Variants in PTPRT observed in about 807,000 individuals in gnomAD.
The protein encoded by PTPRT is receptor-type tyrosine-protein phosphatase T.
In PTPRT, 56 loss-of-function variants were observed where a neutral mutation model predicts 176.8. The ratio of observed to expected loss-of-function variants is 0.32; its 90% CI spans 0.26 to 0.40. The LOEUF (loss-of-function observed/expected upper bound fraction) is 0.40, where lower values mean the gene tolerates loss of function less well. Ranked by LOEUF, PTPRT falls within the 10% of genes least tolerant of loss-of-function variation. PTPRT has a pLI of 1.00. For synonymous variants in PTPRT, 783 were observed against 739.0 expected, an observed-to-expected ratio of 1.06 and a Z score of -0.96; for missense variants, 1,540 against 1,908.2, an observed-to-expected ratio of 0.81 and a Z score of 3.60.
intron 17 of PTPRT, among the ~76,000 whole-genome samples, chr20:42,151,990 G>A (rs1014613479): frequency 1.3e-5 from 2 of 152,244 alleles, no homozygotes; most frequent in Admixed American, 6.5e-5. Context: ...CACGGGTTCA[G>A]TTAACACATT....
chr20:42,664,931 C>A (rs1230942286), intron 7 of PTPRT, among the ~76,000 whole-genome samples: 2 of 152,286 alleles, frequency 1.3e-5, no homozygotes, highest in Non-Finnish European at 2.9e-5. Context: ...CCTTACACGC[C>A]TTACACAAAA....
chr20:42,140,878 T>A (rs1988590916), intron 18 of PTPRT, among the ~76,000 whole-genome samples: 1 of 152,212 alleles, frequency 6.6e-6, no homozygotes, highest in Admixed American at 6.5e-5. Flanking sequence ...TGCCAGGCAC[T>A]GTAGCAAGAG....
chr20:42,822,056 T>C (rs3091504), intron 2 of PTPRT, among the ~76,000 whole-genome samples: 15,509 of 151,880 alleles, frequency 0.1, 1,053 homozygotes, highest in African/African-American at 0.17. Flanking sequence ...TTAGAAAAAA[T>C]AGTTTTAAAT....
At chr20:42,883,727 C>CAAACAG (rs1207069985) in intron 2 of PTPRT, among the ~76,000 whole-genome samples, 1 of 5,638 alleles carries the variant, frequency 1.8e-4, no homozygotes, top group African/African-American at 6.4e-4. Context: ...CACACCCATA[C>CAAACAG]ACCCCCATAC....
At chr20:43,128,761 A>C (rs1600732265) in intron 1 of PTPRT, among the ~76,000 whole-genome samples, 1 of 152,118 alleles carries the variant, frequency 6.6e-6, no homozygotes, top group African/African-American at 2.4e-5. Context: ...AAAAAATCAG[A>C]CAGCAGGCTA....
At chr20:42,756,662 A>T in intron 5 of PTPRT, 26 bp from the exon 6 acceptor site, 1 of 1,530,336 alleles carries the variant, frequency 6.5e-7, no homozygotes, top group Non-Finnish European at 8.9e-7. Flanking sequence ...AGAGAGGGAG[A>T]GGAGGAATCA....
intron 11 of PTPRT, 70 bp downstream of exon 11, chr20:42,350,558 T>C (rs1290004890): frequency 2.4e-6 from 3 of 1,269,060 alleles, no homozygotes; most frequent in South Asian, 2.4e-5. Flanking sequence ...GCCAGTCACA[T>C]GATTCAACTG....
chr20:43,091,130 G>A (rs745310945), intron 1 of PTPRT, among the ~76,000 whole-genome samples: 1 of 152,148 alleles, frequency 6.6e-6, no homozygotes, highest in Non-Finnish European at 1.5e-5. Flanking sequence ...CTACTGGGGA[G>A]GCTGAGACAG....
intron 7 of PTPRT, among the ~76,000 whole-genome samples, chr20:42,675,759 T>C (rs1367753764): frequency 6.6e-6 from 1 of 152,192 alleles, no homozygotes; most frequent in African/African-American, 2.4e-5. Context: ...CTCCCTGTGA[T>C]GTTGTGCTTT....
At chr20:42,654,899 T>C (rs562867876) in intron 7 of PTPRT, among the ~76,000 whole-genome samples, 9 of 152,350 alleles carry the variant, frequency 5.9e-5, no homozygotes, top group South Asian at 2.1e-4. Context: ...ACTACCCGCA[T>C]TGAAGAGAAA....
At chr20:42,406,280 A>C (rs1188754415) in intron 9 of PTPRT, among the ~76,000 whole-genome samples, 2 of 152,078 alleles carry the variant, frequency 1.3e-5, no homozygotes, top group African/African-American at 4.8e-5. Flanking sequence ...CTTTGAAAAA[A>C]CATGGTACAT....
chr20:42,674,436 C>T (rs977544362), intron 7 of PTPRT, among the ~76,000 whole-genome samples: 3 of 152,214 alleles, frequency 2.0e-5, no homozygotes, highest in East Asian at 3.9e-4. Flanking sequence ...GATCATCTTG[C>T]GATTGAATTT....
intron 22 of PTPRT, among the ~76,000 whole-genome samples, chr20:42,111,587 A>T (rs892425609): frequency 2.1e-5 from 3 of 142,576 alleles, no homozygotes; most frequent in Non-Finnish European, 4.7e-5. Flanking sequence ...GAAAATAATA[A>T]CTAACAAACA....
rs182442579 is a variant in PTPRT at position 42,715,751 on chromosome 20, G to A, written c.860-37592C>T. Among the ~76,000 whole-genome samples, 51 of 152,276 alleles carry A rather than the reference G, an allele frequency of 3.3e-4. 1 individual carries two copies. Among genetic ancestry groups the A allele is most frequent in the Admixed American group, 2.1e-3 (32 of 15,298 alleles). ...AGATACCATATTCATGGATTGGAAGGTTCCAATTAAGTGGTAGATTCTCCC... is the reference window on the plus strand; with the variant it reads ...AGATACCATATTCATGGATTGGAAGATTCCAATTAAGTGGTAGATTCTCCC... On this transcript the variant is annotated intron_variant, in intron 6 of 30. Coordinates refer to ENST00000373187, the MANE Select transcript of PTPRT (RefSeq NM_007050.6).
intron 7 of PTPRT, among the ~76,000 whole-genome samples, chr20:42,560,178 T>C (rs1464148238): frequency 6.6e-6 from 1 of 152,198 alleles, no homozygotes; most frequent in Non-Finnish European, 1.5e-5. Context: ...ATGACTGATG[T>C]TCTGGAAGCC....
chr20:42,348,539 T>C (rs1410055284), intron 11 of PTPRT, among the ~76,000 whole-genome samples: 2 of 152,226 alleles, frequency 1.3e-5, no homozygotes, highest in African/African-American at 4.8e-5. Context: ...GCTGGCTTTA[T>C]AGCCTGAGTC....
chr20:42,893,852 G>A (rs1258222523), intron 1 of PTPRT, among the ~76,000 whole-genome samples: 1 of 151,550 alleles, frequency 6.6e-6, no homozygotes, highest in Admixed American at 6.6e-5. Flanking sequence ...CACACTCTGG[G>A]GACTGTTGTG....
intron 7 of PTPRT, among the ~76,000 whole-genome samples, chr20:42,638,967 G>C (rs1265038585): frequency 1.3e-5 from 2 of 152,100 alleles, no homozygotes; most frequent in African/African-American, 4.8e-5. Flanking sequence ...TCTTGCAACA[G>C]AGATTGCTAT....
intron 3 of PTPRT, among the ~76,000 whole-genome samples, chr20:42,787,692 T>G (rs1409628876): frequency 1.3e-5 from 2 of 152,206 alleles, no homozygotes; most frequent in Non-Finnish European, 2.9e-5. Context: ...GGCTATATGC[T>G]TAATGCAATT....
Sources: gnomAD v4.1 joint callset for allele counts (sites outside exome capture counted in the v4.1 genomes callset) on GRCh38, gnomAD v4.1.1 for gene constraint, MANE v1.5 for transcripts, NCBI Gene and HGNC (gene_info 2026-07-23, HGNC 2026-07-21) for gene names.